The following SMG6 variants were observed in gnomAD, a reference collection of about 807,000 sequenced individuals.
SMG6 encodes the protein telomerase-binding protein EST1A.
A neutral mutation model predicts 142.2 loss-of-function variants in SMG6; 66 were observed. The ratio of observed to expected loss-of-function variants is 0.46; its 90% CI spans 0.38 to 0.57. The LOEUF (loss-of-function observed/expected upper bound fraction) is 0.57, where lower values mean the gene tolerates loss of function less well. Ranked by LOEUF, SMG6 falls within the 20% of genes least tolerant of loss-of-function variation. The probability of loss-of-function intolerance (pLI) is 0.00; values close to 1 mark genes in which losing one functional copy is unlikely to be tolerated. For missense variants in SMG6, 1,793 were observed against 1,832.0 expected, an observed-to-expected ratio of 0.98 and a Z score of 0.39; for synonymous variants, 779 against 702.4, an observed-to-expected ratio of 1.11 and a Z score of -1.72.
chr17:2,070,995 C>A (rs562569864), intron 15 of SMG6, among the ~76,000 whole-genome samples: 1 of 152,344 alleles, frequency 6.6e-6, no homozygotes, highest in Admixed American at 6.5e-5. Context: ...TCAGGCCATG[C>A]GCTCTCCGTC....
intron 10 of SMG6, among the ~76,000 whole-genome samples, chr17:2,204,389 T>C (rs1413768910): frequency 6.6e-6 from 1 of 152,192 alleles, no homozygotes; most frequent in African/African-American, 2.4e-5. Flanking sequence ...TGCACATTCA[T>C]TTGACTCTGC....
At chr17:2,296,128 T>G (rs1283464632) in intron 4 of SMG6, among the ~76,000 whole-genome samples, 1 of 152,156 alleles carries the variant, frequency 6.6e-6, no homozygotes, top group Non-Finnish European at 1.5e-5. Flanking sequence ...CAATTAATGG[T>G]TCCCCAGTGC....
chr17:2,147,061 A>G lies in SMG6; in HGVS notation c.3357+25597T>C, dbSNP rs558580037. 3.3e-5 allele frequency among the ~76,000 whole-genome samples: 5 copies of G among 152,288 alleles called. No individual in the cohort carries two copies. In the South Asian group the frequency reaches 1.0e-3, roughly 32 times the overall value. On this transcript the variant is annotated intron_variant, in intron 13 of 18. Transcript: ENST00000263073. Reference sequence around the variant, plus strand: ...AGAAAGAAAATCCAAAAGAAGGTATATATGAGATAGAGTTTTTGTTCGTTT... The same window carrying G: ...AGAAAGAAAATCCAAAAGAAGGTATGTATGAGATAGAGTTTTTGTTCGTTT...
intron 13 of SMG6, among the ~76,000 whole-genome samples, chr17:2,143,070 A>G (rs2070539899): frequency 2.0e-5 from 3 of 152,104 alleles, no homozygotes; most frequent in Admixed American, 2.0e-4. Flanking sequence ...AAAAAATAAT[A>G]AGTGTTAGTG....
Position 2,071,456 on chromosome 17 carries a change from T to C in SMG6, c.3682-2525A>G, listed in dbSNP as rs927984167. ...AGCGAGGTCCAGAGACGCTCTAAAT[T>C]CCCCGGGTTCTTAGCTCTGGCTTGC... On this transcript the variant is annotated intron_variant, in intron 15 of 18. Coordinates refer to ENST00000263073, the MANE Select transcript of SMG6 (RefSeq NM_017575.5). The surrounding 1 kb of genome is among the most constrained non-coding windows in gnomAD (Gnocchi z 5.6). Among the ~76,000 whole-genome samples, 1 of 152,070 alleles carries C rather than the reference T, an allele frequency of 6.6e-6. No homozygotes were observed. The highest frequency in any genetic ancestry group is 2.4e-5 in the African/African-American group (1 of 41,398).
At chr17:2,257,952 T>C (rs1482105467) in intron 8 of SMG6, among the ~76,000 whole-genome samples, 2 of 141,282 alleles carry the variant, frequency 1.4e-5, no homozygotes, top group Non-Finnish European at 3.0e-5. Context: ...GAGGGTGCAG[T>C]GAGCTGAGAT....
chr17:2,267,751 A>T (rs1004779172), intron 8 of SMG6, among the ~76,000 whole-genome samples: 351 of 139,174 alleles, frequency 2.5e-3, no homozygotes, highest in African/African-American at 6.5e-3. Flanking sequence ...TTTTATTATT[A>T]TTTTTTTTTT....
intron 13 of SMG6, chr17:2,122,331 A>T (rs2069727529): frequency 6.6e-6 from 1 of 152,188 alleles, no homozygotes; most frequent in South Asian, 2.1e-4. Context: ...CTAAAAAAAT[A>T]AAAAGACAAT....
intron 13 of SMG6, chr17:2,127,891 T>C (rs1042557592): frequency 1.8e-5 from 10 of 566,002 alleles, no homozygotes; most frequent in Admixed American, 3.8e-5. Flanking sequence ...CATATCTTTG[T>C]AGACGATGTC....
At chr17:2,215,223 A>ACG (rs932888709) in intron 10 of SMG6, among the ~76,000 whole-genome samples, 48 of 151,268 alleles carry the variant, frequency 3.2e-4, no homozygotes, top group South Asian at 1.0e-3. Context: ...ACACACACAC[A>ACG]CGCGCGCGCA....
At chr17:2,187,649 C>T (rs893844738) in intron 11 of SMG6, among the ~76,000 whole-genome samples, 16 of 151,882 alleles carry the variant, frequency 1.1e-4, no homozygotes, top group African/African-American at 1.7e-4. Flanking sequence ...CTGGGGAATC[C>T]GGGTGAAGGG....
At chr17:2,207,340 T>G (rs1030037059) in intron 10 of SMG6, among the ~76,000 whole-genome samples, 3 of 152,058 alleles carry the variant, frequency 2.0e-5, no homozygotes, top group Non-Finnish European at 4.4e-5. Context: ...ATGATCAGTT[T>G]TATTTCAAAA....
chr17:2,061,094 C>G lies in SMG6; in HGVS notation c.*398G>C. On this transcript the variant is annotated 3_prime_UTR_variant, in exon 19 of 19. Coordinates refer to ENST00000263073, the MANE Select transcript of SMG6 (RefSeq NM_017575.5). ...GGAACTGTGATTTCACTGCATCTGA[C>G]GGAAACTCAGAACCCCTGCCCTGTC... 5.7e-6 allele frequency: 1 copy of G among 175,898 alleles called. No individual in the cohort carries two copies. Among genetic ancestry groups the G allele is most frequent in the South Asian group, 1.2e-4 (1 of 8,288 alleles). 10.9% of individuals were successfully genotyped at this position (175,898 alleles called of 1,614,324 possible).
At chr17:2,218,630 T>G (rs2073087487) in intron 10 of SMG6, among the ~76,000 whole-genome samples, 1 of 152,204 alleles carries the variant, frequency 6.6e-6, no homozygotes, top group Non-Finnish European at 1.5e-5. Flanking sequence ...TACATACCCA[T>G]GCCAACCTTC....
chr17:2,289,699 T>C (rs2074988050), intron 6 of SMG6, among the ~76,000 whole-genome samples: 1 of 151,962 alleles, frequency 6.6e-6, no homozygotes, highest in African/African-American at 2.4e-5. Context: ...TCACTTGAGG[T>C]CACAAGTTCA....
rs201980691 is a variant in SMG6, at chr17:2,121,560, CAT to C, written c.3358-35661_3358-35660del. ...GATTATTTATATATACACACACACA[CAT>C]ATATGTATATATGTACATGTCTGTC... On this transcript the variant is annotated intron_variant, in intron 13 of 18. Coordinates refer to ENST00000263073, the MANE Select transcript of SMG6 (RefSeq NM_017575.5). Among the ~76,000 whole-genome samples the C allele has an allele frequency of 3.0e-4, 34 of 113,160 alleles. No individual in the cohort carries two copies. The East Asian group carries it at 7.7e-3, about 26-fold the overall frequency. 74.2% of individuals were successfully genotyped at this position (113,160 alleles called of 152,430 possible).
rs1000972154 is a variant in SMG6, at chr17:2,283,243, G to A, written c.2448+382C>T. Reference sequence around the variant, plus strand: ...ACAAAGAGAAAAGCCTCACCTCACCGGTATTTATTTGACAATAAAAATACT... The same window carrying A: ...ACAAAGAGAAAAGCCTCACCTCACCAGTATTTATTTGACAATAAAAATACT... On this transcript the variant is annotated intron_variant, in intron 7 of 18. Transcript: ENST00000263073. Among the ~76,000 whole-genome samples, 7 of 152,246 alleles carry A rather than the reference G, an allele frequency of 4.6e-5. No individual in the cohort carries two copies. The South Asian group carries it at 8.3e-4, about 18-fold the overall frequency.
chr17:2,300,941 T>A (rs1268454703), intron 1 of SMG6, among the ~76,000 whole-genome samples: 1 of 152,206 alleles, frequency 6.6e-6, no homozygotes, highest in African/African-American at 2.4e-5. Flanking sequence ...CATCTCCTTA[T>A]GTGTCATCCA....
intron 13 of SMG6, among the ~76,000 whole-genome samples, chr17:2,105,302 T>C (rs1056024432): frequency 6.7e-6 from 1 of 150,368 alleles, no homozygotes; most frequent in African/African-American, 2.4e-5. Context: ...TCCCAGCACT[T>C]TGGGAGGCCA....
Sources: allele counts gnomAD v4.1 joint callset (sites outside exome capture counted in the v4.1 genomes callset), GRCh38; gene constraint gnomAD v4.1.1; non-coding constraint Gnocchi (gnomAD v3.1); transcripts MANE v1.5; gene names NCBI Gene and HGNC (gene_info 2026-07-23, HGNC 2026-07-21).